SPAG16: variants seen among roughly 807,000 people sequenced by gnomAD.
The protein encoded by SPAG16 is sperm-associated antigen 16 protein.
Under a neutral mutation model 80.4 loss-of-function variants are expected in SPAG16, and 86 were observed. That is an observed-to-expected ratio of 1.07 (90% confidence interval 0.90 to 1.28). SPAG16 has a LOEUF of 1.28. Among genes scored for constraint, SPAG16 ranks in the 50% most tolerant of loss-of-function variants. SPAG16 has a pLI of 0.00. For synonymous variants in SPAG16, 294 were observed against 265.9 expected (o/e 1.11, Z -1.03); for missense variants, 870 against 765.3 (o/e 1.14, Z -1.61).
chr2:214,126,039 CTTCCTTCCTTCCTTCCTTCCTT>C (rs1258301947), intron 14 of SPAG16, among the ~76,000 whole-genome samples: 940 of 18,544 alleles, frequency 0.051, 50 homozygotes, highest in African/African-American at 0.17. Context: ...TCCTTCCTTC[CTTCCTTCCTTCCTTCCTTCCTT>C]TTTTTTTTTT....
chr2:213,888,575 C>T (rs2076659979), intron 11 of SPAG16, among the ~76,000 whole-genome samples: 1 of 151,490 alleles, frequency 6.6e-6, no homozygotes. Flanking sequence ...AATGTAAGTA[C>T]ACATGAAAGT....
At chr2:213,959,974 T>C (rs945789109) in intron 12 of SPAG16, among the ~76,000 whole-genome samples, 5 of 152,228 alleles carry the variant, frequency 3.3e-5, no homozygotes, top group Non-Finnish European at 7.3e-5. Flanking sequence ...TTTAAATATC[T>C]CTCTTACCCT....
intron 10 of SPAG16, among the ~76,000 whole-genome samples, chr2:213,695,691 G>A (rs1347001971): frequency 6.6e-6 from 1 of 152,218 alleles, no homozygotes; most frequent in Non-Finnish European, 1.5e-5. Context: ...AGCCAGCCAT[G>A]AGAAGACGTA....
intron 12 of SPAG16, among the ~76,000 whole-genome samples, chr2:213,991,822 G>C (rs189130195): frequency 1.3e-5 from 2 of 152,040 alleles, no homozygotes; most frequent in African/African-American, 4.8e-5. Context: ...TAATCTAGTG[G>C]TTCACCACTC....
At chr2:213,405,283 A>G (rs1211490534) in intron 9 of SPAG16, among the ~76,000 whole-genome samples, 1 of 152,180 alleles carries the variant, frequency 6.6e-6, no homozygotes, top group East Asian at 1.9e-4. Flanking sequence ...ATATAAGTAA[A>G]TGATTGTCCT....
chr2:213,622,547 T>G (rs1338979099), intron 10 of SPAG16, among the ~76,000 whole-genome samples: 1 of 152,194 alleles, frequency 6.6e-6, no homozygotes. Flanking sequence ...GTCTTAGTGG[T>G]TGGCTTTCTG....
At chr2:213,715,232 C>CTATA (rs1322452528) in intron 10 of SPAG16, among the ~76,000 whole-genome samples, 2 of 142,440 alleles carry the variant, frequency 1.4e-5, no homozygotes, top group African/African-American at 5.0e-5. Context: ...GTCTATCTAT[C>CTATA]TATCTATCTA....
chr2:213,284,835 T>C (rs2061996246), intron 1 of SPAG16: 2 of 620,560 alleles, frequency 3.2e-6, no homozygotes, highest in East Asian at 3.0e-5. Context: ...CTGTACCTGT[T>C]AGAAGAGTTG....
intron 11 of SPAG16, among the ~76,000 whole-genome samples, chr2:213,914,971 C>A (rs2077881197): frequency 6.6e-6 from 1 of 151,914 alleles, no homozygotes; most frequent in African/African-American, 2.4e-5. Flanking sequence ...AAAGAAATAC[C>A]CGAGACTAGG....
chr2:213,732,917 A>C (rs995105448), intron 10 of SPAG16, among the ~76,000 whole-genome samples: 3 of 152,154 alleles, frequency 2.0e-5, no homozygotes, highest in Admixed American at 6.5e-5. Flanking sequence ...TGGGTTGAAT[A>C]GTATTTCTGC....
chr2:213,710,219 G>A (rs1297184273), intron 10 of SPAG16, among the ~76,000 whole-genome samples: 1 of 151,852 alleles, frequency 6.6e-6, no homozygotes, highest in East Asian at 1.9e-4. Flanking sequence ...AGGAGGCAGA[G>A]GTTGCAGTGA....
chr2:213,918,129 A>C (rs1429942145), intron 11 of SPAG16, among the ~76,000 whole-genome samples: 1 of 152,184 alleles, frequency 6.6e-6, no homozygotes, highest in African/African-American at 2.4e-5. Context: ...CTACTTGGTC[A>C]TGATGGATTA....
At chr2:213,933,175 G>A (rs2078842955) in intron 12 of SPAG16, among the ~76,000 whole-genome samples, 2 of 151,890 alleles carry the variant, frequency 1.3e-5, no homozygotes, top group South Asian at 4.2e-4. Context: ...AAATGGGGTA[G>A]AAAAATCAGA....
chr2:213,914,807 G>T (rs2077872793), intron 11 of SPAG16, among the ~76,000 whole-genome samples: 1 of 152,056 alleles, frequency 6.6e-6, no homozygotes, highest in Non-Finnish European at 1.5e-5. Context: ...GTCTGTTCTT[G>T]TTATTTGCCC....
At chr2:213,588,439 C>T (rs1004842189) in intron 10 of SPAG16, among the ~76,000 whole-genome samples, 3 of 150,270 alleles carry the variant, frequency 2.0e-5, no homozygotes, top group East Asian at 1.9e-4. Context: ...CTAACCACCT[C>T]ATTTATTTGT....
chr2:213,833,562 A>T, intron 10 of SPAG16, among the ~76,000 whole-genome samples: 1 of 23,930 alleles, frequency 4.2e-5, no homozygotes, highest in South Asian at 1.6e-3. Flanking sequence ...TATATAATAT[A>T]TATAATATAT....
In SPAG16 at chr2:213,314,199, A is replaced by G. The variant is rs547291293; in HGVS notation, c.399-3020A>G. 8.5e-5 allele frequency among the ~76,000 whole-genome samples: 13 copies of G among 152,048 alleles called. 1 individual carries two copies. The South Asian group carries it at 2.7e-3, about 31-fold the overall frequency. ...ATTTCTACATAATTCTAAGTAGTTG[A>G]TGGATCTCCTGGTAAATATTAAGAT... On this transcript the variant is annotated intron_variant, in intron 4 of 15. Coordinates refer to ENST00000331683, the MANE Select transcript of SPAG16 (RefSeq NM_024532.5).
chr2:214,175,064 A>C (rs1037751926), intron 15 of SPAG16, among the ~76,000 whole-genome samples: 9 of 151,432 alleles, frequency 5.9e-5, no homozygotes, highest in Admixed American at 2.6e-4. Flanking sequence ...TTACTTTATC[A>C]GCTATAATTC....
At chr2:213,610,230 G>A (rs2061398429) in intron 10 of SPAG16, among the ~76,000 whole-genome samples, 1 of 152,058 alleles carries the variant, frequency 6.6e-6, no homozygotes, top group Non-Finnish European at 1.5e-5. Context: ...AGTTTGTTAA[G>A]AGGACCTGCA....
Sources: allele counts gnomAD v4.1 joint callset (sites outside exome capture counted in the v4.1 genomes callset), GRCh38; gene constraint gnomAD v4.1.1; transcripts MANE v1.5; gene names NCBI Gene and HGNC (gene_info 2026-07-23, HGNC 2026-07-21).